Variants in HHLA2 observed in about 807,000 individuals in gnomAD.
HHLA2 encodes the protein HERV-H LTR-associating protein 2.
HHLA2 carries 48 observed loss-of-function variants against 45.9 expected under a neutral mutation model. The observed-to-expected ratio is 1.05, with a 90% confidence interval of 0.83 to 1.33. The LOEUF (loss-of-function observed/expected upper bound fraction) is 1.33, where lower values mean the gene tolerates loss of function less well. Ranked by LOEUF, HHLA2 falls within the 40% of genes most tolerant of loss-of-function variation. The probability of loss-of-function intolerance (pLI) is 0.00; values close to 1 mark genes in which losing one functional copy is unlikely to be tolerated. For synonymous variants in HHLA2, 161 were observed against 173.9 expected, an observed-to-expected ratio of 0.93 and a Z score of 0.59; for missense variants, 462 against 494.3, an observed-to-expected ratio of 0.93 and a Z score of 0.62.
chr3:108,358,472 A>C (rs2081935893), intron 7 of HHLA2, among the ~76,000 whole-genome samples: 1 of 152,118 alleles, frequency 6.6e-6, no homozygotes, highest in African/African-American at 2.4e-5. Context: ...GCTGTGCCTA[A>C]TATATACCTT....
intron 2 of HHLA2, among the ~76,000 whole-genome samples, chr3:108,327,673 A>G (rs1291357088): frequency 1.3e-5 from 2 of 152,120 alleles, no homozygotes; most frequent in African/African-American, 4.8e-5. Flanking sequence ...CTCTGCCAAA[A>G]TTCTCTATCT....
intron 8 of HHLA2, among the ~76,000 whole-genome samples, chr3:108,373,320 G>T (rs2082213269): frequency 6.6e-6 from 1 of 152,116 alleles, no homozygotes; most frequent in Non-Finnish European, 1.5e-5. Flanking sequence ...GGTACTGAGG[G>T]GACGTATCTC....
chr3:108,330,627 G>T (rs2081369912), intron 3 of HHLA2, among the ~76,000 whole-genome samples: 1 of 152,122 alleles, frequency 6.6e-6, no homozygotes, highest in East Asian at 1.9e-4. Context: ...ATGTGAAATG[G>T]TGGGTGTCTC....
At chr3:108,297,136 T>C (rs2080773912) in intron 1 of HHLA2, among the ~76,000 whole-genome samples, 2 of 152,242 alleles carry the variant, frequency 1.3e-5, no homozygotes, top group Non-Finnish European at 2.9e-5. Flanking sequence ...GGAAGAATCA[T>C]TAAGTTTATG....
chr3:108,355,297 A>G, exon 6 of HHLA2: 2 of 1,613,874 alleles, frequency 1.2e-6, no homozygotes, highest in Non-Finnish European at 8.5e-7. Context: ...CCCACTGAAT[A>G]TTACAGGATC....
At chr3:108,341,125 G>A (rs1313891719) in intron 3 of HHLA2, among the ~76,000 whole-genome samples, 2 of 151,732 alleles carry the variant, frequency 1.3e-5, no homozygotes, top group African/African-American at 4.8e-5. Context: ...GCTAATTTTT[G>A]TATTTTTGGT....
intron 1 of HHLA2, among the ~76,000 whole-genome samples, chr3:108,310,359 A>G (rs904070833): frequency 2.6e-5 from 4 of 152,196 alleles, no homozygotes; most frequent in African/African-American, 9.6e-5. Context: ...CATCAAAAAT[A>G]CCTGTTAATA....
At chr3:108,336,492 A>G (rs965925282) in intron 3 of HHLA2, among the ~76,000 whole-genome samples, 1 of 152,190 alleles carries the variant, frequency 6.6e-6, no homozygotes, top group African/African-American at 2.4e-5. Context: ...GAATGCTTTC[A>G]TCATGTAATA....
At chr3:108,365,444 A>T (rs767525514) in intron 8 of HHLA2, among the ~76,000 whole-genome samples, 9 of 151,922 alleles carry the variant, frequency 5.9e-5, no homozygotes, top group Non-Finnish European at 1.3e-4. Context: ...GCCTCCAGCT[A>T]TGTTCTTTTG....
intron 8 of HHLA2, among the ~76,000 whole-genome samples, chr3:108,368,211 C>A (rs1362315714): frequency 6.6e-6 from 1 of 151,824 alleles, no homozygotes; most frequent in Non-Finnish European, 1.5e-5. Context: ...GAAGGAAGCA[C>A]TAAATACAGA....
chr3:108,324,080 G>T (rs2081247890), intron 2 of HHLA2, among the ~76,000 whole-genome samples: 1 of 152,068 alleles, frequency 6.6e-6, no homozygotes, highest in Non-Finnish European at 1.5e-5. Flanking sequence ...ACCCTACTTT[G>T]TCTTAATAGT....
intron 2 of HHLA2, among the ~76,000 whole-genome samples, chr3:108,324,757 C>T (rs536105808): frequency 3.9e-5 from 6 of 152,172 alleles, no homozygotes; most frequent in South Asian, 2.1e-4. Flanking sequence ...TGACTTACTC[C>T]GTGCTTTCTA....
intron 3 of HHLA2, among the ~76,000 whole-genome samples, chr3:108,351,126 A>G (rs1194377131): frequency 6.6e-6 from 1 of 152,194 alleles, no homozygotes; most frequent in Non-Finnish European, 1.5e-5. Flanking sequence ...ACTTGCTTGA[A>G]ACTGTATTTT....
rs753896635 is a variant in HHLA2, at chr3:108,348,638, G to T, written c.-26-3150G>T. 1.0e-3 allele frequency among the ~76,000 whole-genome samples: 122 copies of T among 121,786 alleles called. 1 individual carries two copies. Among genetic ancestry groups the T allele is most frequent in the Non-Finnish European group, 2.1e-3 (112 of 53,366 alleles). The allele number at this position is 121,786 out of a possible 152,430, so 79.9% of individuals were successfully genotyped here. A position where few individuals can be genotyped will look rare whatever the true frequency, so the allele number is the denominator to read the frequency against. ...TAGTAGAAAGGAAATATGATTGCAGGGACAAATTTCTTTTTTTTTTTTAAT... is the reference window on the plus strand; with the variant it reads ...TAGTAGAAAGGAAATATGATTGCAGTGACAAATTTCTTTTTTTTTTTTAAT... On this transcript the variant is annotated intron_variant, in intron 3 of 10. Transcript: ENST00000619531.
At chr3:108,374,871 C>T (rs2082244821) in intron 8 of HHLA2, among the ~76,000 whole-genome samples, 1 of 146,514 alleles carries the variant, frequency 6.8e-6, no homozygotes, top group African/African-American at 2.5e-5. Flanking sequence ...AACACTTTTA[C>T]ACTGTTGGTG....
In HHLA2 at chr3:108,353,892, T is replaced by A. The variant is rs970802094; in HGVS notation, c.418+112T>A. 9 of 748,400 alleles carry A rather than the reference T, an allele frequency of 1.2e-5. No homozygotes were observed. In the South Asian group the frequency reaches 1.7e-4, roughly 14 times the overall value. 46.4% of individuals were successfully genotyped at this position (748,400 alleles called of 1,614,324 possible). On this transcript the variant is annotated intron_variant, in intron 5 of 10. Coordinates refer to ENST00000619531, the Ensembl canonical transcript of HHLA2. ...TTCCTTCCAAGTCAATACATGGAAATCTACTTATTTTTAACGCACAGCAAC... is the reference window on the plus strand; with the variant it reads ...TTCCTTCCAAGTCAATACATGGAAAACTACTTATTTTTAACGCACAGCAAC...
intron 1 of HHLA2, among the ~76,000 whole-genome samples, chr3:108,306,995 A>G (rs143708307): frequency 1.4e-3 from 216 of 152,264 alleles, no homozygotes; most frequent in Non-Finnish European, 2.6e-3. Flanking sequence ...ATCTGGGATT[A>G]CAGGCATCCG....
At chr3:108,306,023 G>A (rs1213815022) in intron 1 of HHLA2, among the ~76,000 whole-genome samples, 1 of 152,138 alleles carries the variant, frequency 6.6e-6, no homozygotes, top group Non-Finnish European at 1.5e-5. Flanking sequence ...TTCCCTCAGT[G>A]ATTGAGCACA....
chr3:108,364,328 C>G (rs2082028308), intron 8 of HHLA2, among the ~76,000 whole-genome samples: 2 of 152,118 alleles, frequency 1.3e-5, no homozygotes, highest in Admixed American at 1.3e-4. Flanking sequence ...TGAACTCATT[C>G]TTTTTTATGA....
Sources: allele counts gnomAD v4.1 joint callset (sites outside exome capture counted in the v4.1 genomes callset), GRCh38; gene constraint gnomAD v4.1.1; transcripts MANE v1.5; gene names NCBI Gene and HGNC (gene_info 2026-07-23, HGNC 2026-07-21).